Variants in FOCAD observed in about 807,000 individuals in gnomAD.
FOCAD encodes KIAA1797.
A neutral mutation model predicts 225.6 loss-of-function variants in FOCAD; 198 were observed. The observed-to-expected ratio is 0.88, with a 90% CI of 0.78 to 0.99. The LOEUF (loss-of-function observed/expected upper bound fraction) is 0.99. Among genes scored for constraint, FOCAD ranks in the 50% least tolerant of loss-of-function variants. FOCAD has a pLI of 0.00. For missense variants in FOCAD, 2,713 were observed against 2,123.6 expected, an observed-to-expected ratio of 1.28 and a Z score of -5.46; for synonymous variants, 897 against 755.0, an observed-to-expected ratio of 1.19 and a Z score of -3.08.
intron 1 of FOCAD, among the ~76,000 whole-genome samples, chr9:20,695,538 A>G (rs920693243): frequency 2.6e-5 from 4 of 152,076 alleles, no homozygotes; most frequent in African/African-American, 7.2e-5. Flanking sequence ...CTCATCCTAC[A>G]TTTATACACG....
At chr9:20,680,071 A>C (rs1822354735), upstream of FOCAD, among the ~76,000 whole-genome samples, 1 of 152,198 alleles carries the variant, frequency 6.6e-6, no homozygotes, top group South Asian at 2.1e-4. Flanking sequence ...GCTCAATCAA[A>C]ATTTAACTAT....
chr9:20,832,567 G>C (rs776240684), intron 15 of FOCAD, among the ~76,000 whole-genome samples: 44 of 151,934 alleles, frequency 2.9e-4, no homozygotes, highest in Non-Finnish European at 5.7e-4. Context: ...CACTCTTTAA[G>C]TTATTTTAAA....
intron 1 of FOCAD, 116 bp from the exon 2 acceptor site, chr9:20,715,206 A>G (rs1466492082): frequency 2.4e-6 from 1 of 409,916 alleles, no homozygotes; most frequent in South Asian, 9.6e-5. Context: ...CCTGTGCTTT[A>G]TTTCCATTGT....
intron 35 of FOCAD, among the ~76,000 whole-genome samples, chr9:20,974,599 T>G (rs1404749454): frequency 6.7e-6 from 1 of 150,086 alleles, no homozygotes; most frequent in Non-Finnish European, 1.5e-5. Context: ...ATTTGGCCTC[T>G]GCTTCTCCTT....
chr9:20,765,531 G>A (rs1253534461), intron 7 of FOCAD, among the ~76,000 whole-genome samples: 1 of 152,074 alleles, frequency 6.6e-6, no homozygotes, highest in African/African-American at 2.4e-5. Context: ...GCTTCCACAT[G>A]TCCCCTTGCA....
chr9:20,739,477 C>A (rs1271881939), intron 4 of FOCAD, among the ~76,000 whole-genome samples: 1 of 151,944 alleles, frequency 6.6e-6, no homozygotes, highest in Non-Finnish European at 1.5e-5. Context: ...GTGGCACATG[C>A]CTGTAATCCC....
At position 20,903,200 on chromosome 9, in the gene FOCAD, TC is replaced by T. The variant is rs760781192; in HGVS notation, c.2626-3948del. Among the ~76,000 whole-genome samples, 31 of 152,084 alleles carry T rather than the reference TC, an allele frequency of 2.0e-4. No individual in the cohort carries two copies. In the East Asian group the frequency reaches 5.6e-3, roughly 28 times the overall value. On this transcript the variant is annotated intron_variant, in intron 21 of 43. Transcript: ENST00000338382. ...TGACCAAGAGGGCTGAACTTCAGGC[TC>T]CTAGCCTCATCTTCACTTCATCTAG...
intron 21 of FOCAD, among the ~76,000 whole-genome samples, chr9:20,888,838 C>T (rs878986181): frequency 6.6e-6 from 1 of 152,114 alleles, no homozygotes; most frequent in Non-Finnish European, 1.5e-5. Context: ...AGATGTGACT[C>T]GCTCCTCCTT....
chr9:20,912,952 C>G lies in FOCAD; in HGVS notation c.2805C>G (p.Leu935=). The G allele has an allele frequency of 6.2e-7, 1 of 1,611,830 alleles. No individual in the cohort carries two copies. The highest frequency in any genetic ancestry group is 8.5e-7 in the Non-Finnish European group (1 of 1,178,640). Reference sequence around the variant, plus strand: ...AGTACAAAAAAAGCACAGCCTGGCTCTGGTAAGTGTTCATGTTCAGCTGCC... The same window carrying G: ...AGTACAAAAAAAGCACAGCCTGGCTGTGGTAAGTGTTCATGTTCAGCTGCC... ...EVQYKKSTAW[L]WVRDMLTDEI... The change falls in exon 23 of 44, where the codon CTC becomes CTG. Residue 935 remains leucine, a splice_region_variant and synonymous_variant. Coordinates refer to ENST00000338382, the MANE Select transcript of FOCAD (RefSeq NM_001375567.1).
At position 20,936,074 on chromosome 9, in the gene FOCAD, CG is replaced by C. The variant is rs201415111; in HGVS notation, c.3407+2973del. Among the ~76,000 whole-genome samples, 1,117 of 152,226 alleles carry C rather than the reference CG, an allele frequency of 7.3e-3. 8 individuals are homozygous for C. The highest frequency in any genetic ancestry group is 0.065 in the Middle Eastern group (19 of 294). On this transcript the variant is annotated intron_variant, in intron 28 of 43. Coordinates refer to ENST00000338382, the MANE Select transcript of FOCAD (RefSeq NM_001375567.1). The stretch of plus-strand genomic sequence containing the variant: ...ATATGGTATGGTTTTGTTAGGCTTT[CG>C]GAAATACTGACATTTTTGAGGGAGC...
At chr9:20,916,649 A>C (rs891402651) in intron 23 of FOCAD, among the ~76,000 whole-genome samples, 1 of 152,190 alleles carries the variant, frequency 6.6e-6, no homozygotes. Flanking sequence ...CTATCTGTAC[A>C]TCCCCCCTCA....
chr9:20,943,539 G>A (rs576875399), intron 28 of FOCAD, among the ~76,000 whole-genome samples: 84 of 152,234 alleles, frequency 5.5e-4, no homozygotes, highest in Non-Finnish European at 5.1e-4. Context: ...CTATCCTTCT[G>A]GGTATCTTCT....
chr9:20,717,351 T>C (rs949636672), intron 2 of FOCAD, among the ~76,000 whole-genome samples: 2 of 152,212 alleles, frequency 1.3e-5, no homozygotes, highest in Non-Finnish European at 2.9e-5. Flanking sequence ...ATGGCAATGA[T>C]TGTTGCTAGC....
intron 1 of FOCAD, among the ~76,000 whole-genome samples, chr9:20,692,787 C>T (rs115969324): frequency 6.6e-6 from 1 of 152,302 alleles, no homozygotes; most frequent in African/African-American, 2.4e-5. Context: ...TACAGCTTCA[C>T]TTTCCCTGCT....
At chr9:20,989,966 C>T (rs1227108786) in intron 41 of FOCAD, among the ~76,000 whole-genome samples, 157 bp from the exon 42 acceptor site, 1 of 152,160 alleles carries the variant, frequency 6.6e-6, no homozygotes, top group Non-Finnish European at 1.5e-5. Flanking sequence ...GTTTACTGTT[C>T]AGTTCAGTTC....
chr9:20,882,100 A>G (rs543587718), intron 20 of FOCAD, 44 bp downstream of exon 20: 10 of 1,550,360 alleles, frequency 6.5e-6, no homozygotes, highest in East Asian at 2.3e-5. Context: ...TTTTCATGTA[A>G]TGATTTAACT....
At chr9:20,678,381 G>C (rs1241809308) in intron 2 of FOCAD, among the ~76,000 whole-genome samples, 1 of 152,144 alleles carries the variant, frequency 6.6e-6, no homozygotes, top group Non-Finnish European at 1.5e-5. Context: ...CAAGCTTTAA[G>C]CTGACTGCAG....
At chr9:20,837,238 T>C (rs564822380) in intron 15 of FOCAD, among the ~76,000 whole-genome samples, 2 of 152,128 alleles carry the variant, frequency 1.3e-5, no homozygotes, top group African/African-American at 4.8e-5. Context: ...CTCTGAGGAT[T>C]ATTAGCTGAC....
chr9:20,849,012 T>C (rs1257679779), intron 15 of FOCAD, among the ~76,000 whole-genome samples: 1 of 151,980 alleles, frequency 6.6e-6, no homozygotes, highest in Non-Finnish European at 1.5e-5. Flanking sequence ...GAGGCATTAC[T>C]TCTCTGTACT....
Sources: gnomAD v4.1 joint callset for allele counts (sites outside exome capture counted in the v4.1 genomes callset) on GRCh38, gnomAD v4.1.1 for gene constraint, MANE v1.5 for transcripts, NCBI Gene and HGNC (gene_info 2026-07-23, HGNC 2026-07-21) for gene names.